NIBAN2: variants seen among roughly 807,000 people sequenced by gnomAD.
The protein encoded by NIBAN2 is protein Niban 2.
NIBAN2 carries 36 observed loss-of-function variants against 81.8 expected under a neutral mutation model. That is an observed-to-expected ratio of 0.44 (90% CI 0.34 to 0.58). The LOEUF is 0.58. NIBAN2 is among the 20% of genes least tolerant of loss of function. NIBAN2 has a pLI of 0.02. For missense variants in NIBAN2, 897 were observed against 1,014.1 expected, an observed-to-expected ratio of 0.88 and a Z score of 1.57; for synonymous variants, 445 against 441.6, an observed-to-expected ratio of 1.01 and a Z score of -0.10.
intron 1 of NIBAN2, among the ~76,000 whole-genome samples, chr9:127,558,842 G>A (rs1180713393): frequency 3.3e-5 from 5 of 152,178 alleles, no homozygotes; most frequent in Non-Finnish European, 7.3e-5. Context: ...TAAGAATTCA[G>A]CTAAAACGCA....
intron 1 of NIBAN2, among the ~76,000 whole-genome samples, chr9:127,554,787 T>C (rs1030516416): frequency 2.0e-5 from 3 of 151,960 alleles, no homozygotes; most frequent in African/African-American, 7.3e-5. Flanking sequence ...CAGGCTGGTC[T>C]CAAACTCCTG....
chr9:127,564,309 G>C (rs1001608524), intron 1 of NIBAN2, among the ~76,000 whole-genome samples: 1 of 146,228 alleles, frequency 6.8e-6, no homozygotes, highest in Non-Finnish European at 1.5e-5. Context: ...AAAAAAAAAA[G>C]GTGACCCAGG....
intron 3 of NIBAN2, among the ~76,000 whole-genome samples, chr9:127,525,739 C>T (rs1406572479): frequency 6.6e-6 from 1 of 152,132 alleles, no homozygotes; most frequent in Admixed American, 6.6e-5. Flanking sequence ...AGAATTTTCC[C>T]AATTCAAAAG....
upstream of NIBAN2, among the ~76,000 whole-genome samples, chr9:127,570,536 TGGCACCAGGGTCCATC>T (rs1208550997): frequency 6.6e-6 from 1 of 152,236 alleles, no homozygotes; most frequent in Non-Finnish European, 1.5e-5. Flanking sequence ...GCATAGTGCC[TGGCACCAGGGTCCATC>T]ATCTCTCAAT....
chr9:127,508,302 T>TCCGCAC lies in NIBAN2; in HGVS notation c.1435-108_1435-103dup. ...TCTGACCCAAGCCTCCGAGTCCTCA[T>TCCGCAC]CCGCACAAGAGGACCATGGCGCCTC... On this transcript the variant is annotated intron_variant, in intron 11 of 13. Transcript: ENST00000373312. The surrounding 1 kb of genome is among the most constrained non-coding windows in gnomAD (Gnocchi z 6.4). 7.6e-7 allele frequency: 1 copy of TCCGCAC among 1,324,186 alleles called. No homozygotes were observed. Among genetic ancestry groups the TCCGCAC allele is most frequent in the South Asian group, 1.2e-5 (1 of 82,878 alleles). The allele number at this position is 1,324,186 out of a possible 1,614,324, so 82.0% of individuals were successfully genotyped here.
In NIBAN2 at chr9:127,507,602, A is replaced by C. The variant is rs1564292483; in HGVS notation, c.1655-171T>G. On this transcript the variant is annotated intron_variant, in intron 13 of 13. Coordinates refer to ENST00000373312, the MANE Select transcript of NIBAN2 (RefSeq NM_022833.4). The surrounding 1 kb of genome is among the most constrained non-coding windows in gnomAD (Gnocchi z 6.8). ...GCAGCAAGGCCGTGATGCTATCTCC[A>C]GGCCCAGGCTGCTGACCACATGTCA... Among the ~76,000 whole-genome samples the C allele has an allele frequency of 6.6e-6, 1 of 152,164 alleles. No individual in the cohort carries two copies. Among genetic ancestry groups the C allele is most frequent in the Non-Finnish European group, 1.5e-5 (1 of 68,010 alleles).
At position 127,556,840 on chromosome 9, in the gene NIBAN2, G is replaced by T. The variant is rs189222960; in HGVS notation, c.55+11980C>A. On this transcript the variant is annotated intron_variant, in intron 1 of 13. Coordinates refer to ENST00000373312, the MANE Select transcript of NIBAN2 (RefSeq NM_022833.4). ...ACCTGTAATCCCAGCACTTTGGGAGGCCAGGCAGGAGGATGGCTTAGCTCA... is the reference window on the plus strand; with the variant it reads ...ACCTGTAATCCCAGCACTTTGGGAGTCCAGGCAGGAGGATGGCTTAGCTCA... Among the ~76,000 whole-genome samples the T allele has an allele frequency of 2.2e-3, 338 of 152,184 alleles. 1 individual carries two copies. Among genetic ancestry groups the T allele is most frequent in the Non-Finnish European group, 3.4e-3 (234 of 67,996 alleles).
rs1011840281 is a variant in NIBAN2 at position 127,545,666 on chromosome 9, G to A, written c.56-13888C>T. ...GGCTGGGCCACAACAGGTCTGGTGG[G>A]GAAGGGTGAGCTTTGAGGCAGGAGG... On this transcript the variant is annotated intron_variant, in intron 1 of 13. Coordinates refer to ENST00000373312, the MANE Select transcript of NIBAN2 (RefSeq NM_022833.4). The surrounding 1 kb of genome is among the most constrained non-coding windows in gnomAD (Gnocchi z 4.7). Among the ~76,000 whole-genome samples, 2 of 152,224 alleles carry A rather than the reference G, an allele frequency of 1.3e-5. No homozygotes were observed. Among genetic ancestry groups the A allele is most frequent in the Admixed American group, 6.5e-5 (1 of 15,290 alleles).
At chr9:127,534,158 C>T (rs145374313) in intron 1 of NIBAN2, among the ~76,000 whole-genome samples, 380 of 152,352 alleles carry the variant, frequency 2.5e-3, no homozygotes, top group Middle Eastern at 0.01. Flanking sequence ...CTCGGTTTCC[C>T]CCATGCACTG....
At chr9:127,510,084 C>T in intron 9 of NIBAN2, 62 bp downstream of exon 9, 2 of 1,469,326 alleles carry the variant, frequency 1.4e-6, no homozygotes, top group East Asian at 4.7e-5. Flanking sequence ...CAGCCGGGGC[C>T]CTCTGGGACA....
chr9:127,508,204 C>CA lies in NIBAN2; in HGVS notation c.1435-5dup, dbSNP rs1396044670. 6.2e-7 allele frequency: 1 copy of CA among 1,612,116 alleles called. No individual in the cohort carries two copies. Among genetic ancestry groups the CA allele is most frequent in the African/African-American group, 1.3e-5 (1 of 75,018 alleles). On this transcript the variant is annotated splice_region_variant and splice_polypyrimidine_tract_variant and intron_variant, in intron 11 of 13. Coordinates refer to ENST00000373312, the MANE Select transcript of NIBAN2 (RefSeq NM_022833.4). The surrounding 1 kb of genome is among the most constrained non-coding windows in gnomAD (Gnocchi z 6.4). ...AGCTGCTGTCGTAGTCGTATTTCTG[C>CA]AGGGAACAAGGGGGTCGGGGGTCTG...
At chr9:127,564,844 G>A (rs1435318955) in intron 1 of NIBAN2, among the ~76,000 whole-genome samples, 1 of 149,756 alleles carries the variant, frequency 6.7e-6, no homozygotes, top group Non-Finnish European at 1.5e-5. Flanking sequence ...CTGCACTCCA[G>A]CCTGAGTGAG....
chr9:127,517,954 CG>C lies in NIBAN2; in HGVS notation c.590-14del. On this transcript the variant is annotated splice_polypyrimidine_tract_variant and intron_variant, in intron 5 of 13. Coordinates refer to ENST00000373312, the MANE Select transcript of NIBAN2 (RefSeq NM_022833.4). This position sits in a 1 kb window ranked among gnomAD's most constrained non-coding sequence, Gnocchi z 4.0. ...TCCTCAGGGATTCCTGCCCAGGAGACGGAGGGAGAGAGGAGGTCAGCAGATG... is the reference window on the plus strand; with the variant it reads ...TCCTCAGGGATTCCTGCCCAGGAGACGAGGGAGAGAGGAGGTCAGCAGATG... 1.3e-6 allele frequency: 2 copies of C among 1,571,454 alleles called. No individual in the cohort carries two copies. Among genetic ancestry groups the C allele is most frequent in the South Asian group, 2.4e-5 (2 of 85,058 alleles).
At chr9:127,573,400 TA>T (rs890280872), upstream of NIBAN2, among the ~76,000 whole-genome samples, 89 of 147,906 alleles carry the variant, frequency 6.0e-4, no homozygotes, top group African/African-American at 2.0e-3. Flanking sequence ...ATTATTGTAA[TA>T]AAAAAAAGTT....
chr9:127,522,923 G>C (rs995932899), intron 5 of NIBAN2, among the ~76,000 whole-genome samples: 1 of 151,666 alleles, frequency 6.6e-6, no homozygotes, highest in Non-Finnish European at 1.5e-5. Flanking sequence ...CATCGTGCTG[G>C]CATCCTCATC....
chr9:127,507,420 C>T lies in NIBAN2; in HGVS notation c.1666G>A (p.Ala556Thr). ...MKDILQAVKE[A>T]AVQRKHNLYR... The stretch of plus-strand genomic sequence containing the variant: ...AGGTTGTGCTTCCTCTGCACCGCGG[C>T]CTCCTTCACAGCTACAGGGCCACAG... Residue 556 changes from alanine to threonine, a missense_variant, in exon 14 of 14, where the codon GCC becomes ACC. By Grantham distance (58) the Ala-to-Thr change is moderately conservative. Coordinates refer to ENST00000373312, the MANE Select transcript of NIBAN2 (RefSeq NM_022833.4). This position sits in a 1 kb window ranked among gnomAD's most constrained non-coding sequence, Gnocchi z 6.8. 6.6e-7 allele frequency: 1 copy of T among 1,510,624 alleles called. No homozygotes were observed. The highest frequency in any genetic ancestry group is 8.8e-7 in the Non-Finnish European group (1 of 1,130,246). The allele number at this position is 1,510,624 out of a possible 1,614,324, so 93.6% of individuals were successfully genotyped here.
intron 1 of NIBAN2, among the ~76,000 whole-genome samples, chr9:127,540,789 G>A (rs1376164026): frequency 2.0e-5 from 3 of 152,266 alleles, no homozygotes; most frequent in Non-Finnish European, 4.4e-5. Flanking sequence ...GCCAGCCCTG[G>A]TTTGGCCCCA....
intron 8 of NIBAN2, among the ~76,000 whole-genome samples, chr9:127,512,870 A>G (rs1276370042): frequency 2.6e-5 from 4 of 152,190 alleles, no homozygotes; most frequent in Non-Finnish European, 5.9e-5. Context: ...ACTGCTGGGT[A>G]TATACCCAAA....
At chr9:127,554,862 A>G (rs978697688) in intron 1 of NIBAN2, among the ~76,000 whole-genome samples, 1 of 151,870 alleles carries the variant, frequency 6.6e-6, no homozygotes, top group African/African-American at 2.4e-5. Flanking sequence ...AGCCACCAAA[A>G]TGCTGGGATT....
Sources: gnomAD v4.1 joint callset for allele counts (sites outside exome capture counted in the v4.1 genomes callset) on GRCh38, gnomAD v4.1.1 for gene constraint, Gnocchi (gnomAD v3.1) non-coding constraint, MANE v1.5 for transcripts, NCBI Gene and HGNC (gene_info 2026-07-23, HGNC 2026-07-21) for gene names.